GRIP2: variants seen among roughly 807,000 people sequenced by gnomAD.
The protein encoded by GRIP2 is glutamate receptor interacting protein 2.
In GRIP2, 58 loss-of-function variants were observed where a neutral mutation model predicts 108.3. The ratio of observed to expected loss-of-function variants is 0.54; its 90% confidence interval spans 0.43 to 0.67. The LOEUF is 0.67. Ranked by LOEUF, GRIP2 falls within the 30% of genes least tolerant of loss-of-function variation. GRIP2 has a pLI of 0.00. For missense variants in GRIP2, 1,278 were observed against 1,430.6 expected, an observed-to-expected ratio of 0.89 and a Z score of 1.72; for synonymous variants, 586 against 598.2, an observed-to-expected ratio of 0.98 and a Z score of 0.30.
At chr3:14,554,853 C>A (rs977389165) in intron 1 of GRIP2, among the ~76,000 whole-genome samples, 1 of 152,228 alleles carries the variant, frequency 6.6e-6, no homozygotes, top group African/African-American at 2.4e-5. Flanking sequence ...CCTTGCAGGG[C>A]CACTGTGAGG....
At chr3:14,595,944 T>A in the GRIP2 span, among the ~76,000 whole-genome samples, 1 of 152,254 alleles carries the variant, frequency 6.6e-6, no homozygotes, top group Non-Finnish European at 1.5e-5. Flanking sequence ...GCTGGGCACT[T>A]CAGACTCAAG....
At chr3:14,518,907 T>C (rs1694330664) in intron 9 of GRIP2, among the ~76,000 whole-genome samples, 1 of 152,180 alleles carries the variant, frequency 6.6e-6, no homozygotes, top group Non-Finnish European at 1.5e-5. Flanking sequence ...GAGTTAATAA[T>C]ATAACATGCT....
upstream of GRIP2, among the ~76,000 whole-genome samples, chr3:14,560,072 G>A (rs1695295125): frequency 6.6e-6 from 1 of 152,036 alleles, no homozygotes; most frequent in African/African-American, 2.4e-5. Flanking sequence ...GGGCAACATA[G>A]TGAGACTCTG....
intron 21 of GRIP2, among the ~76,000 whole-genome samples, chr3:14,501,541 G>C (rs890435333): frequency 1.3e-5 from 2 of 151,992 alleles, no homozygotes; most frequent in Admixed American, 1.3e-4. Flanking sequence ...CTTGGTATTA[G>C]GAAAGATTAA....
At chr3:14,528,817 T>C (rs1694630850) in intron 1 of GRIP2, among the ~76,000 whole-genome samples, 1 of 152,248 alleles carries the variant, frequency 6.6e-6, no homozygotes, top group South Asian at 2.1e-4. Flanking sequence ...CATCTATATC[T>C]TCTTTGGGGA....
At position 14,512,594 on chromosome 3, in the gene GRIP2, C is replaced by T. The variant is rs1254678583; in HGVS notation, c.1720+183G>A. Among the ~76,000 whole-genome samples the T allele has an allele frequency of 2.0e-5, 3 of 152,196 alleles. No individual in the cohort carries two copies. The highest frequency in any genetic ancestry group is 7.2e-5 in the African/African-American group (3 of 41,452). On this transcript the variant is annotated intron_variant, in intron 14 of 23. Coordinates refer to ENST00000621039, the MANE Select transcript of GRIP2 (RefSeq NM_001080423.4). The surrounding 1 kb of genome is among the most constrained non-coding windows in gnomAD (Gnocchi z 5.1). ...AACGGGAAGCTGAAGCTTTGGGAAG[C>T]TGGGGTCTCGCTGAGAACACGCAGC...
At chr3:14,572,155 T>C in the GRIP2 span, among the ~76,000 whole-genome samples, 995 of 152,084 alleles carry the variant, frequency 6.5e-3, 8 homozygotes, top group African/African-American at 0.019. Context: ...GGCACCGGAG[T>C]ATTCACAGCA....
chr3:14,496,398 G>T lies in GRIP2; in HGVS notation c.2823+19C>A. The T allele has an allele frequency of 6.3e-7, 1 of 1,596,220 alleles. No homozygotes were observed. ...CAGAACACAGGTCCAGGTCTCCTGTGCTCACCCCCTGTGCCTACCTTGTGC... is the reference window on the plus strand; with the variant it reads ...CAGAACACAGGTCCAGGTCTCCTGTTCTCACCCCCTGTGCCTACCTTGTGC... On this transcript the variant is annotated intron_variant, in intron 22 of 23. Coordinates refer to ENST00000621039, the MANE Select transcript of GRIP2 (RefSeq NM_001080423.4).
chr3:14,504,532 G>A (rs1322522406), intron 20 of GRIP2, among the ~76,000 whole-genome samples: 2 of 151,960 alleles, frequency 1.3e-5, no homozygotes, highest in East Asian at 1.9e-4. Context: ...GGATGGTCTC[G>A]ATCTCCCGAC....
At chr3:14,553,139 G>A (rs1412474752) in intron 1 of GRIP2, among the ~76,000 whole-genome samples, 9 of 135,512 alleles carry the variant, frequency 6.6e-5, no homozygotes, top group South Asian at 4.7e-4. Flanking sequence ...ACGGAGTCTC[G>A]CTCTATCACC....
chr3:14,511,493 G>A lies in GRIP2; in HGVS notation c.1721-14C>T. 6.2e-7 allele frequency: 1 copy of A among 1,612,520 alleles called. No individual in the cohort carries two copies. The highest frequency in any genetic ancestry group is 8.5e-7 in the Non-Finnish European group (1 of 1,179,786). ...TCCTGCTGGCCGCTGGAGAAAAAGA[G>A]GCCATGAATCTGACCTTGGTGGCCT... is the stretch of plus-strand genomic sequence containing the variant. On this transcript the variant is annotated splice_polypyrimidine_tract_variant and intron_variant, in intron 14 of 23. Coordinates refer to ENST00000621039, the MANE Select transcript of GRIP2 (RefSeq NM_001080423.4). The surrounding 1 kb of genome is among the most constrained non-coding windows in gnomAD (Gnocchi z 4.1).
the GRIP2 span, among the ~76,000 whole-genome samples, chr3:14,562,953 C>A: frequency 1.3e-5 from 2 of 151,954 alleles, no homozygotes; most frequent in Non-Finnish European, 2.9e-5. Context: ...TTAAATGATA[C>A]CACGAGAACA....
At chr3:14,574,569 T>A in the GRIP2 span, 4 of 732,416 alleles carry the variant, frequency 5.5e-6, no homozygotes, top group African/African-American at 3.5e-5. Context: ...TGATGGGGAC[T>A]CAAAAACTTC....
chr3:14,531,551 G>C (rs935634381), intron 1 of GRIP2, among the ~76,000 whole-genome samples: 5 of 152,194 alleles, frequency 3.3e-5, no homozygotes, highest in African/African-American at 4.8e-5. Flanking sequence ...GAGAGGGGAA[G>C]GAAACTCACA....
intron 10 of GRIP2, 105 bp from the exon 11 acceptor site, chr3:14,517,318 C>A (rs1168924141): frequency 2.6e-6 from 3 of 1,146,796 alleles, no homozygotes; most frequent in Non-Finnish European, 2.4e-6. Context: ...GATGGGGATG[C>A]CTTCCCCCTT....
chr3:14,498,017 G>A (rs1302785885), intron 21 of GRIP2, among the ~76,000 whole-genome samples: 2 of 152,080 alleles, frequency 1.3e-5, no homozygotes, highest in Non-Finnish European at 2.9e-5. Context: ...CAATCTCACA[G>A]GCACACAATT....
intron 1 of GRIP2, among the ~76,000 whole-genome samples, chr3:14,553,198 C>A (rs1695180784): frequency 6.6e-6 from 1 of 151,856 alleles, no homozygotes; most frequent in African/African-American, 2.4e-5. Flanking sequence ...ACCTGTGCCT[C>A]CCTGGTCCAA....
At chr3:14,559,380 G>C (rs1171762829), upstream of GRIP2, among the ~76,000 whole-genome samples, 1 of 151,570 alleles carries the variant, frequency 6.6e-6, no homozygotes, top group Non-Finnish European at 1.5e-5. Flanking sequence ...GTAGACCCTG[G>C]TGGGTCTGGT....
At chr3:14,584,998 A>C in the GRIP2 span, among the ~76,000 whole-genome samples, 1 of 152,182 alleles carries the variant, frequency 6.6e-6, no homozygotes, top group Non-Finnish European at 1.5e-5. Context: ...GCACTCACAC[A>C]CCCACAAACA....
Sources: gnomAD v4.1 joint callset for allele counts (sites outside exome capture counted in the v4.1 genomes callset) on GRCh38, gnomAD v4.1.1 for gene constraint, Gnocchi (gnomAD v3.1) non-coding constraint, MANE v1.5 for transcripts, NCBI Gene and HGNC (gene_info 2026-07-23, HGNC 2026-07-21) for gene names.